The following YRDC variants were observed in gnomAD, a reference collection of about 807,000 sequenced individuals.
YRDC encodes threonylcarbamoyl-AMP synthase.
YRDC carries 17 observed loss-of-function variants against 21.5 expected under a neutral mutation model. The observed-to-expected ratio is 0.79, with a 90% CI of 0.54 to 1.19. The LOEUF is 1.19. Ranked by LOEUF, YRDC falls within the 50% of genes most tolerant of loss-of-function variation. YRDC has a pLI of 0.00. For synonymous variants in YRDC, 193 were observed against 176.7 expected, an observed-to-expected ratio of 1.09 and a Z score of -0.73; for missense variants, 380 against 397.1, an observed-to-expected ratio of 0.96 and a Z score of 0.37.
rs1646754597 is a variant in YRDC at position 37,808,108 on chromosome 1, C to G, written c.73G>C (p.Ala25Pro). The G allele has an allele frequency of 1.4e-6, 2 of 1,440,894 alleles. No homozygotes were observed. Among genetic ancestry groups the G allele is most frequent in the South Asian group, 2.7e-5 (2 of 73,518 alleles). The allele number at this position is 1,440,894 out of a possible 1,614,324, so 89.3% of individuals were successfully genotyped here. The stretch of plus-strand genomic sequence containing the variant: ...AAGAGGCGACCGCTCCGGGAGCCAG[C>G]AGGCCCCTCGCTCAACCCCACGCTG... ...AASVGLSEGP[A>P]GSRSGRLFRP... The change falls in exon 1 of 5, where the codon GCT (alanine) becomes CCT (proline). Residue 25 changes from alanine (A) to proline (P), a missense_variant. Coordinates refer to ENST00000373044, the MANE Select transcript of YRDC (RefSeq NM_024640.4).
At chr1:37,804,277 C>T (rs1383866667) in intron 4 of YRDC, 25 bp downstream of exon 4, 5 of 1,602,302 alleles carry the variant, frequency 3.1e-6, no homozygotes, top group Non-Finnish European at 4.3e-6. Flanking sequence ...AAATTATTTC[C>T]CCACACCACA....
At position 37,804,447 on chromosome 1, in the gene YRDC, G is replaced by A. The variant is rs778808497; in HGVS notation, c.625-3C>T. Reference sequence around the variant, plus strand: ...TGAGGCCAGAGATCCTGGAACTCCTGAGAAGAGGGAGAAGGAAGAGCATGG... The same window carrying A: ...TGAGGCCAGAGATCCTGGAACTCCTAAGAAGAGGGAGAAGGAAGAGCATGG... On this transcript the variant is annotated splice_polypyrimidine_tract_variant and splice_region_variant and intron_variant, in intron 3 of 4. Transcript: ENST00000373044. The A allele has an allele frequency of 5.0e-6, 8 of 1,609,660 alleles. No individual in the cohort carries two copies. The South Asian group carries it at 8.8e-5, about 18-fold the overall frequency.
intron 3 of YRDC, among the ~76,000 whole-genome samples, chr1:37,806,043 C>CCAAGAAAGGAT (rs1553145575): frequency 3.3e-5 from 5 of 152,056 alleles, no homozygotes; most frequent in Non-Finnish European, 7.4e-5. Context: ...ATCTATGTAG[C>CCAAGAAAGGAT]CAAGAAAGGA....
rs1212527430 is a variant in YRDC, at chr1:37,803,941, T to C, written c.824A>G (p.His275Arg). The C allele has an allele frequency of 3.7e-6, 6 of 1,613,986 alleles. No homozygotes were observed. In the South Asian group the frequency reaches 4.4e-5, roughly 12 times the overall value. The change falls in exon 5 of 5, where the codon CAT becomes CGT. Residue 275 changes from histidine to arginine, a missense_variant. This residue lies in a region of YRDC where 238 missense variants were observed against 236.5 expected (regional missense o/e 1.01). Transcript: ENST00000373044. ...CCCAGAGTTTCACAGGTAGGACGCA[T>C]GTGAGGGGAGCAGTCCGTACTTCTG... The part of the protein sequence containing the change: ...LQQKYGLLPS[H>R]ASYL
intron 1 of YRDC, 37 bp downstream of exon 1, chr1:37,807,755 T>C (rs1038908517): frequency 2.8e-5 from 41 of 1,450,502 alleles, no homozygotes; most frequent in East Asian, 1.1e-4. Context: ...CCTCCCGCGG[T>C]GCCGCCCCTA....
rs1462848807 is a variant in YRDC at position 37,808,043 on chromosome 1, C to G, written c.138G>C (p.Arg46=). Residue 46 remains arginine, a synonymous_variant, in exon 1 of 5, where the codon CGG becomes CGC. Transcript: ENST00000373044. The part of the protein sequence containing the change: ...PSPAPAAPGA[R]LLRLPGSGAV... ...CCCCGCTCCCCGGGAGCCGCAACAG[C>G]CGGGCGCCGGGGGCCGCCGGAGCGG... The G allele has an allele frequency of 7.6e-7, 1 of 1,315,538 alleles. No homozygotes were observed. The highest frequency in any genetic ancestry group is 1.6e-5 in the African/African-American group (1 of 64,440). The allele number at this position is 1,315,538 out of a possible 1,614,324, so 81.5% of individuals were successfully genotyped here.
At chr1:37,804,501 C>G in intron 3 of YRDC, 57 bp from the exon 4 acceptor site, 1 of 1,561,040 alleles carries the variant, frequency 6.4e-7, no homozygotes, top group Non-Finnish European at 8.7e-7. Context: ...CCAATAATGT[C>G]AAACTGCACG....
At position 37,808,171 on chromosome 1, in the gene YRDC, C is replaced by T; in HGVS notation, c.10G>A (p.Ala4Thr). The T allele has an allele frequency of 1.4e-6, 2 of 1,455,096 alleles. No individual in the cohort carries two copies. Among genetic ancestry groups the T allele is most frequent in the Non-Finnish European group, 1.8e-6 (2 of 1,107,958 alleles). The allele number at this position is 1,455,096 out of a possible 1,614,324, so 90.1% of individuals were successfully genotyped here. Residue 4 changes from alanine to threonine, a missense_variant, in exon 1 of 5, where the codon GCG (alanine) becomes ACG (threonine). By Grantham distance (58) the Ala-to-Thr change is moderately conservative (BLOSUM62 0). Transcript: ENST00000373044. MSP[A>T]RRCRGMRAAV... ...GCCCTCATCCCCCTGCACCGACGCGCCGGAGACATCCGCCCAGGCCCGCTT... is the reference window on the plus strand; with the variant it reads ...GCCCTCATCCCCCTGCACCGACGCGTCGGAGACATCCGCCCAGGCCCGCTT...
Position 37,804,336 on chromosome 1 carries a change from C to A in YRDC, c.733G>T (p.Val245Leu), listed in dbSNP as rs779475370. 2 of 1,614,138 alleles carry A rather than the reference C, an allele frequency of 1.2e-6. No individual in the cohort carries two copies. The highest frequency in any genetic ancestry group is 1.7e-6 in the Non-Finnish European group (2 of 1,179,996). The change falls in exon 4 of 5, where the codon GTG becomes TTG. Residue 245 changes from valine (V) to leucine (L), a missense_variant. Around this residue, in one of 3 missense-constraint regions of YRDC, gnomAD observed 238 missense variants for 236.5 expected, o/e 1.01. Coordinates refer to ENST00000373044, the MANE Select transcript of YRDC (RefSeq NM_024640.4). ...RLGSTVVDLS[V>L]PGKFGIIRPG... ...CGAATGATGCCAAACTTTCCGGGCACAGACAAATCAACCACAGTTGAGCCA... is the reference window on the plus strand; with the variant it reads ...CGAATGATGCCAAACTTTCCGGGCAAAGACAAATCAACCACAGTTGAGCCA...
chr1:37,804,591 C>T (rs764766774), intron 3 of YRDC, 147 bp from the exon 4 acceptor site: 4 of 1,086,552 alleles, frequency 3.7e-6, no homozygotes, highest in Non-Finnish European at 5.0e-6. Flanking sequence ...TAGTTAAGGT[C>T]AACTGTGCCA....
At chr1:37,804,730 T>C (rs762930132) in intron 3 of YRDC, among the ~76,000 whole-genome samples, 20 of 152,160 alleles carry the variant, frequency 1.3e-4, no homozygotes, top group Admixed American at 1.2e-3. Context: ...TAGGGAAATA[T>C]AAGTACAATG....
At position 37,808,129 on chromosome 1, in the gene YRDC, C is replaced by T; in HGVS notation, c.52G>A (p.Val18Met). The T allele has an allele frequency of 4.8e-6, 7 of 1,469,182 alleles. No homozygotes were observed. Among genetic ancestry groups the T allele is most frequent in the Non-Finnish European group, 5.4e-6 (6 of 1,117,036 alleles). The allele number at this position is 1,469,182 out of a possible 1,614,324, so 91.0% of individuals were successfully genotyped here. Reference sequence around the variant, plus strand: ...CCAGCAGGCCCCTCGCTCAACCCCACGCTGGCAGCCACCGCGGCCCTCATC... The same window carrying T: ...CCAGCAGGCCCCTCGCTCAACCCCATGCTGGCAGCCACCGCGGCCCTCATC... ...RGMRAAVAAS[V>M]GLSEGPAGSR... Residue 18 changes from valine to methionine, a missense_variant, in exon 1 of 5, where the codon GTG (valine) becomes ATG (methionine). This residue lies in a region of YRDC where 91 missense variants were observed against 64.7 expected (regional missense o/e 1.41). Transcript: ENST00000373044.
At position 37,808,092 on chromosome 1, in the gene YRDC, C is replaced by T; in HGVS notation, c.89G>A (p.Gly30Asp). ...GGGACTCGGCGGGCGGAAGAGGCGACCGCTCCGGGAGCCAGCAGGCCCCTC... is the reference window on the plus strand; with the variant it reads ...GGGACTCGGCGGGCGGAAGAGGCGATCGCTCCGGGAGCCAGCAGGCCCCTC... ...LSEGPAGSRS[G>D]RLFRPPSPAP... The change falls in exon 1 of 5, where the codon GGT becomes GAT. Residue 30 changes from glycine (G) to aspartate (D), a missense_variant. Gly to Asp is a moderately conservative substitution (Grantham distance 94). Around this residue, in one of 3 missense-constraint regions of YRDC, gnomAD observed 91 missense variants for 64.7 expected, o/e 1.41. Transcript: ENST00000373044. The T allele has an allele frequency of 7.2e-7, 1 of 1,389,894 alleles. No individual in the cohort carries two copies. The highest frequency in any genetic ancestry group is 1.6e-5 in the South Asian group (1 of 63,974). 86.1% of individuals were successfully genotyped at this position (1,389,894 alleles called of 1,614,324 possible). A position where few individuals can be genotyped will look rare whatever the true frequency, so the allele number is the denominator to read the frequency against.
intron 3 of YRDC, among the ~76,000 whole-genome samples, chr1:37,805,919 T>C (rs535447199): frequency 1.3e-5 from 2 of 152,342 alleles, no homozygotes; most frequent in African/African-American, 2.4e-5. Flanking sequence ...CTGGATACTA[T>C]GTGTGATACT....
chr1:37,803,845 A>C lies in YRDC; in HGVS notation c.*80T>G. 1 of 1,523,128 alleles carries C rather than the reference A, an allele frequency of 6.6e-7. No homozygotes were observed. The highest frequency in any genetic ancestry group is 1.1e-5 in the South Asian group (1 of 87,220). 94.4% of individuals were successfully genotyped at this position (1,523,128 alleles called of 1,614,324 possible). On this transcript the variant is annotated 3_prime_UTR_variant, in exon 5 of 5. Transcript: ENST00000373044. ...GTGCCCTAGCTCCGGTGGCCTCTGC[A>C]AATGAGGCCTTGACAGTCGTCAGTG...
Position 37,804,350 on chromosome 1 carries a change from A to C in YRDC, c.719T>G (p.Val240Gly). 1 of 1,614,094 alleles carries C rather than the reference A, an allele frequency of 6.2e-7. No individual in the cohort carries two copies. Among genetic ancestry groups the C allele is most frequent in the African/African-American group, 1.3e-5 (1 of 75,002 alleles). ...CTTTCCGGGCACAGACAAATCAACC[A>C]CAGTTGAGCCAAGGCGACACTCGGG... ...QSPECRLGST[V>G]VDLSVPGKFG... The change falls in exon 4 of 5, where the codon GTG becomes GGG. Residue 240 changes from valine (V) to glycine (G), a missense_variant. Transcript: ENST00000373044.
Position 37,807,961 on chromosome 1 carries a change from C to T in YRDC, c.220G>A (p.Val74Met). 7.4e-6 allele frequency: 9 copies of T among 1,221,014 alleles called. No individual in the cohort carries two copies. Among genetic ancestry groups the T allele is most frequent in the Non-Finnish European group, 9.2e-6 (9 of 981,124 alleles). 75.6% of individuals were successfully genotyped at this position (1,221,014 alleles called of 1,614,324 possible). A position where few individuals can be genotyped will look rare whatever the true frequency, so the allele number is the denominator to read the frequency against. Residue 74 changes from valine (V) to methionine (M), a missense_variant, in exon 1 of 5, where the codon GTG becomes ATG. By Grantham distance (21) the Val-to-Met change is conservative (BLOSUM62 1). This residue lies in a region of YRDC where 51 missense variants were observed against 95.9 expected (regional missense o/e 0.53). Coordinates refer to ENST00000373044, the MANE Select transcript of YRDC (RefSeq NM_024640.4). ...AGWTEALRAA[V>M]AELRAGAVVA... ...ACGGCGCCGGCGCGCAGCTCGGCCACGGCGGCCCGCAGCGCCTCGGTCCAG... is the reference window on the plus strand; with the variant it reads ...ACGGCGCCGGCGCGCAGCTCGGCCATGGCGGCCCGCAGCGCCTCGGTCCAG...
Position 37,807,231 on chromosome 1 carries a change from G to C in YRDC, c.390-16C>G. The C allele has an allele frequency of 1.9e-6, 3 of 1,610,334 alleles. No homozygotes were observed. The highest frequency in any genetic ancestry group is 1.3e-5 in the African/African-American group (1 of 74,968). On this transcript the variant is annotated splice_polypyrimidine_tract_variant and intron_variant, in intron 1 of 4. Coordinates refer to ENST00000373044, the MANE Select transcript of YRDC (RefSeq NM_024640.4). ...ACGGCAGTATCTGGGAAACACAGAAGAATAAATCCATTCAAAATTGAAGGG... is the reference window on the plus strand; with the variant it reads ...ACGGCAGTATCTGGGAAACACAGAACAATAAATCCATTCAAAATTGAAGGG...
chr1:37,804,273 T>C, intron 4 of YRDC, 29 bp downstream of exon 4: 1 of 1,598,508 alleles, frequency 6.3e-7, no homozygotes, highest in Non-Finnish European at 8.6e-7. Flanking sequence ...CCTCAAATTA[T>C]TTCCCCACAC....
Sources: gnomAD v4.1 joint callset for allele counts (sites outside exome capture counted in the v4.1 genomes callset) on GRCh38, gnomAD v4.1.1 for gene constraint, gnomAD v4.1.1 regional missense constraint, MANE v1.5 for transcripts, NCBI Gene and HGNC (gene_info 2026-07-23, HGNC 2026-07-21) for gene names.